ZNF831: variants seen among roughly 807,000 people sequenced by gnomAD.
ZNF831 encodes zinc finger protein 831.
A neutral mutation model predicts 95.8 loss-of-function variants in ZNF831; 59 were observed. The ratio of observed to expected loss-of-function variants is 0.62; its 90% confidence interval spans 0.50 to 0.77. The LOEUF (loss-of-function observed/expected upper bound fraction) is 0.77. ZNF831 is among the 30% of genes least tolerant of loss of function. The pLI is 0.00. For synonymous variants in ZNF831, 961 were observed against 925.5 expected (o/e 1.04, Z -0.70); for missense variants, 2,205 against 2,164.0 (o/e 1.02, Z -0.38).
intron 1 of ZNF831, among the ~76,000 whole-genome samples, chr20:59,186,103 G>T (rs925130216): frequency 3.3e-5 from 5 of 152,188 alleles, no homozygotes; most frequent in African/African-American, 1.2e-4. Context: ...TGCCCCTGGG[G>T]TGCATGTTCT....
At chr20:59,188,650 C>A (rs1055461659) in intron 1 of ZNF831, among the ~76,000 whole-genome samples, 2 of 148,274 alleles carry the variant, frequency 1.3e-5, no homozygotes. Context: ...GAGTGAGACT[C>A]CATCTCAATA....
chr20:59,189,116 G>T (rs1461514438), intron 1 of ZNF831, among the ~76,000 whole-genome samples: 2 of 151,962 alleles, frequency 1.3e-5, no homozygotes, highest in Admixed American at 1.3e-4. Flanking sequence ...AGGAGGCAGA[G>T]GTTGCAGTGA....
chr20:59,140,967 T>A (rs1163740298), intron 1 of ZNF831, among the ~76,000 whole-genome samples: 1 of 152,014 alleles, frequency 6.6e-6, no homozygotes, highest in Non-Finnish European at 1.5e-5. Flanking sequence ...TGGCACGATC[T>A]CAGCTCACTG....
chr20:59,173,667 A>G (rs1009756708), intron 1 of ZNF831, among the ~76,000 whole-genome samples: 1 of 152,174 alleles, frequency 6.6e-6, no homozygotes, highest in African/African-American at 2.4e-5. Flanking sequence ...CTCATTGTCA[A>G]GGAGCTCAAC....
rs758973893 is a variant in ZNF831, at chr20:59,208,276, C to T, written c.4027+1220C>T. ...CCCTCCTCTGTATCCAGCGAAATTGCCCATTGGGCTGTGCTTGATACTGCC... is the reference window on the plus strand; with the variant it reads ...CCCTCCTCTGTATCCAGCGAAATTGTCCATTGGGCTGTGCTTGATACTGCC... On this transcript the variant is annotated intron_variant, in intron 4 of 5. Transcript: ENST00000371030. This position sits in a 1 kb window ranked among gnomAD's most constrained non-coding sequence, Gnocchi z 4.2. 1.3e-5 allele frequency among the ~76,000 whole-genome samples: 2 copies of T among 152,210 alleles called. No individual in the cohort carries two copies. The highest frequency in any genetic ancestry group is 2.9e-5 in the Non-Finnish European group (2 of 68,036).
At chr20:59,184,410 C>CA (rs1491386398) in intron 1 of ZNF831, among the ~76,000 whole-genome samples, 1 of 151,296 alleles carries the variant, frequency 6.6e-6, no homozygotes, top group East Asian at 1.9e-4. Flanking sequence ...TCCCTCCCCC[C>CA]TTTTTTTTTA....
chr20:59,148,062 A>G (rs1979975175), intron 2 of ZNF831, among the ~76,000 whole-genome samples: 1 of 152,106 alleles, frequency 6.6e-6, no homozygotes. Context: ...CGTCCCTTAT[A>G]CTCTCTGAAA....
rs1267665516 is a variant in ZNF831, at chr20:59,191,453, T to C, written c.434T>C (p.Leu145Pro). 6.2e-7 allele frequency: 1 copy of C among 1,613,018 alleles called. No individual in the cohort carries two copies. Among genetic ancestry groups the C allele is most frequent in the East Asian group, 2.2e-5 (1 of 44,866 alleles). The change falls in exon 2 of 6, where the codon CTG (leucine) becomes CCG (proline). Residue 145 changes from leucine (L) to proline (P), a missense_variant. Transcript: ENST00000371030. ...PGKVRNAGKY[L>P]CPHCGRDCLK... is the part of the protein sequence containing the mutation. ...AAGGTGCGGAATGCGGGCAAGTACC[T>C]GTGTCCGCACTGTGGTCGCGACTGC...
At chr20:59,154,983 A>G (rs186112293) in intron 2 of ZNF831, among the ~76,000 whole-genome samples, 1 of 152,326 alleles carries the variant, frequency 6.6e-6, no homozygotes, top group African/African-American at 2.4e-5. Context: ...CTGAAATGTC[A>G]GTCCCATGAC....
chr20:59,130,252 G>A (rs1025014696), intron 1 of ZNF831, among the ~76,000 whole-genome samples: 2 of 152,314 alleles, frequency 1.3e-5, no homozygotes, highest in Admixed American at 1.3e-4. Context: ...GAGAGGCATA[G>A]CATTTAAGCC....
chr20:59,179,665 C>T (rs1332141611), intron 1 of ZNF831, among the ~76,000 whole-genome samples: 2 of 152,082 alleles, frequency 1.3e-5, no homozygotes, highest in African/African-American at 2.4e-5. Context: ...CGTGGGTCTT[C>T]GCATGGCCTA....
intron 5 of ZNF831, 49 bp from the exon 6 acceptor site, chr20:59,253,848 AC>A: frequency 7.7e-7 from 1 of 1,300,068 alleles, no homozygotes; most frequent in Non-Finnish European, 1.0e-6. Flanking sequence ...TTTTCTTTGT[AC>A]CAATTAACCT....
In ZNF831 at chr20:59,257,750, G is replaced by A. The variant is rs1403165598; in HGVS notation, c.*3007G>A. The A allele has an allele frequency of 1.3e-5, 2 of 152,154 alleles. No individual in the cohort carries two copies. Among genetic ancestry groups the A allele is most frequent in the African/African-American group, 4.8e-5 (2 of 41,432 alleles). The allele number at this position is 152,154 out of a possible 1,614,324, so 9.4% of individuals were successfully genotyped here. ...TTAATTTTATTATATCTTTAGGTAA[G>A]GGTCTTAACCAACTGATGCCTCAGT... On this transcript the variant is annotated 3_prime_UTR_variant, in exon 6 of 6. Coordinates refer to ENST00000371030, the MANE Select transcript of ZNF831 (RefSeq NM_178457.3).
intron 2 of ZNF831, among the ~76,000 whole-genome samples, chr20:59,155,889 G>T (rs1232306323): frequency 1.3e-5 from 2 of 152,234 alleles, no homozygotes; most frequent in Non-Finnish European, 1.5e-5. Context: ...CTCCTAGAGA[G>T]GAAGGAGTAG....
intron 4 of ZNF831, among the ~76,000 whole-genome samples, chr20:59,214,950 G>C (rs965126457): frequency 3.3e-5 from 5 of 151,960 alleles, no homozygotes; most frequent in Admixed American, 1.3e-4. Context: ...TTGACCCTTG[G>C]GCTGCAAAAA....
rs773439553 is a variant in ZNF831 at position 59,192,053 on chromosome 20, G to C, written c.1034G>C (p.Gly345Ala). 1 of 1,608,072 alleles carries C rather than the reference G, an allele frequency of 6.2e-7. No homozygotes were observed. Among genetic ancestry groups the C allele is most frequent in the South Asian group, 1.1e-5 (1 of 90,956 alleles). The change falls in exon 2 of 6, where the codon GGG (glycine) becomes GCG (alanine). Residue 345 changes from glycine to alanine, a missense_variant. By Grantham distance (60) the Gly-to-Ala change is moderately conservative. Transcript: ENST00000371030. This position sits in a 1 kb window ranked among gnomAD's most constrained non-coding sequence, Gnocchi z 5.2. ...CGGAAGTGTGAGAGCACCGACTCGG[G>C]GTACCTGTCGCGCTCCGACAGCGCG... ...RLRKCESTDS[G>A]YLSRSDSAEQ...
intron 3 of ZNF831, among the ~76,000 whole-genome samples, chr20:59,203,046 G>GT (rs1984642092): frequency 6.6e-6 from 1 of 152,070 alleles, no homozygotes; most frequent in Non-Finnish European, 1.5e-5. Context: ...GATAATGATG[G>GT]TTTTTTCATT....
At chr20:59,153,896 G>A (rs777711164) in intron 2 of ZNF831, among the ~76,000 whole-genome samples, 17 of 152,336 alleles carry the variant, frequency 1.1e-4, no homozygotes, top group Middle Eastern at 3.4e-3. Flanking sequence ...ATGGTCTGAT[G>A]AGAAAGCCTG....
rs1184246984 is a variant in ZNF831 at position 59,191,759 on chromosome 20, C to T, written c.740C>T (p.Ser247Phe). The T allele has an allele frequency of 6.2e-7, 1 of 1,608,068 alleles. No homozygotes were observed. Among genetic ancestry groups the T allele is most frequent in the African/African-American group, 1.3e-5 (1 of 74,812 alleles). The change falls in exon 2 of 6, where the codon TCT becomes TTT. Residue 247 changes from serine to phenylalanine, a missense_variant. Ser to Phe is a radical substitution (Grantham distance 155, BLOSUM62 -2). Transcript: ENST00000371030. ...MHEGASERPL[S>F]PGAHVPLLAK... is the part of the protein sequence containing the mutation. Reference sequence around the variant, plus strand: ...GAAGGCGCCTCGGAGAGACCCCTTTCTCCGGGTGCCCACGTGCCCCTACTT... The same window carrying T: ...GAAGGCGCCTCGGAGAGACCCCTTTTTCCGGGTGCCCACGTGCCCCTACTT...
Sources: allele counts gnomAD v4.1 joint callset (sites outside exome capture counted in the v4.1 genomes callset), GRCh38; gene constraint gnomAD v4.1.1; non-coding constraint Gnocchi (gnomAD v3.1); transcripts MANE v1.5; gene names NCBI Gene and HGNC (gene_info 2026-07-23, HGNC 2026-07-21).